AKAP6: variants seen among roughly 807,000 people sequenced by gnomAD.
AKAP6 encodes A-kinase anchor protein 6.
A neutral mutation model predicts 188.5 loss-of-function variants in AKAP6; 58 were observed. The observed-to-expected ratio is 0.31, with a 90% CI of 0.25 to 0.38. The LOEUF (loss-of-function observed/expected upper bound fraction) is 0.38, where lower values mean the gene tolerates loss of function less well. AKAP6 is among the 10% of genes least tolerant of loss of function. AKAP6 has a pLI of 1.00. For synonymous variants in AKAP6, 989 were observed against 998.6 expected, an observed-to-expected ratio of 0.99 and a Z score of 0.18; for missense variants, 2,710 against 2,740.0, an observed-to-expected ratio of 0.99 and a Z score of 0.24.
chr14:32,696,374 G>A (rs10141164), intron 9 of AKAP6, among the ~76,000 whole-genome samples: 4,357 of 152,218 alleles, frequency 0.029, 218 homozygotes, highest in African/African-American at 0.099. Context: ...AAGATGAATA[G>A]CAATAAATGA....
chr14:32,330,325 C>T lies in AKAP6; in HGVS notation c.-35+917C>T, dbSNP rs1484110573. The stretch of plus-strand genomic sequence containing the variant: ...CAACTCAATTCCAAAACTCTAAACA[C>T]GTATCATTTTCATTTCAACTCCTAG... On this transcript the variant is annotated intron_variant, in intron 1 of 13. Coordinates refer to ENST00000280979, the MANE Select transcript of AKAP6 (RefSeq NM_004274.5). 3.3e-5 allele frequency among the ~76,000 whole-genome samples: 5 copies of T among 152,056 alleles called. No homozygotes were observed. In the South Asian group the frequency reaches 8.3e-4, roughly 25 times the overall value.
intron 2 of AKAP6, among the ~76,000 whole-genome samples, chr14:32,529,280 G>A (rs1044574426): frequency 6.6e-6 from 1 of 152,050 alleles, no homozygotes; most frequent in Non-Finnish European, 1.5e-5. Context: ...TTCATTGCTG[G>A]TATATAGGAA....
chr14:32,383,413 A>G (rs1021446985), intron 1 of AKAP6, among the ~76,000 whole-genome samples: 2 of 152,064 alleles, frequency 1.3e-5, no homozygotes, highest in African/African-American at 4.8e-5. Context: ...AAAGAACTGT[A>G]TTATTTTCTA....
chr14:32,478,857 A>G (rs1293397372), intron 2 of AKAP6, among the ~76,000 whole-genome samples: 1 of 152,190 alleles, frequency 6.6e-6, no homozygotes, highest in African/African-American at 2.4e-5. Context: ...CCTTGGTATA[A>G]TGGCCAAGAA....
chr14:32,377,521 G>C (rs1888196742), intron 1 of AKAP6, among the ~76,000 whole-genome samples: 1 of 152,152 alleles, frequency 6.6e-6, no homozygotes, highest in Non-Finnish European at 1.5e-5. Flanking sequence ...GAGAGAGAGA[G>C]AGAGAGAGAA....
At chr14:32,553,059 C>T (rs1412342845) in intron 4 of AKAP6, among the ~76,000 whole-genome samples, 1 of 152,154 alleles carries the variant, frequency 6.6e-6, no homozygotes, top group Non-Finnish European at 1.5e-5. Context: ...ATAGAATCTC[C>T]AGTAGGTTCC....
chr14:32,506,003 C>T (rs1340775337), intron 2 of AKAP6, among the ~76,000 whole-genome samples: 2 of 151,854 alleles, frequency 1.3e-5, no homozygotes, highest in East Asian at 1.9e-4. Flanking sequence ...ATGGGCTAAG[C>T]GTCGTGGCAT....
intron 2 of AKAP6, among the ~76,000 whole-genome samples, chr14:32,519,852 G>C (rs1177340531): frequency 6.6e-6 from 1 of 152,076 alleles, no homozygotes; most frequent in African/African-American, 2.4e-5. Context: ...AGACATAATA[G>C]ACATCTACAG....
At chr14:32,554,866 T>TC (rs1372579439) in intron 4 of AKAP6, among the ~76,000 whole-genome samples, 2 of 152,192 alleles carry the variant, frequency 1.3e-5, no homozygotes, top group Non-Finnish European at 2.9e-5. Context: ...ATTTTGGGCT[T>TC]CCTGCTGCCA....
intron 1 of AKAP6, among the ~76,000 whole-genome samples, chr14:32,341,845 T>TA (rs1284764067): frequency 1.3e-5 from 2 of 152,008 alleles, no homozygotes; most frequent in Non-Finnish European, 2.9e-5. Context: ...AAAAAGTCCC[T>TA]AAAAAACAAG....
rs760617488 is a variant in AKAP6 at position 32,823,052 on chromosome 14, A to C, written c.5239A>C (p.Thr1747Pro). The C allele has an allele frequency of 3.1e-6, 5 of 1,613,852 alleles. No individual in the cohort carries two copies. Among genetic ancestry groups the C allele is most frequent in the Non-Finnish European group, 3.4e-6 (4 of 1,179,896 alleles). ...IVNVSCTSAC[T>P]DDEDDSDLLS... ...TAATGTCTCTTGCACCTCTGCTTGC[A>C]CTGATGATGAAGATGACAGCGACCT... The change falls in exon 13 of 14, where the codon ACT (threonine) becomes CCT (proline). Residue 1747 changes from threonine (T) to proline (P), a missense_variant. Thr to Pro is a conservative substitution (Grantham distance 38). This residue lies in a region of AKAP6 where 2,473 missense variants were observed against 2,426.1 expected (regional missense o/e 1.02). Coordinates refer to ENST00000280979, the MANE Select transcript of AKAP6 (RefSeq NM_004274.5).
rs1424370260 is a variant in AKAP6, at chr14:32,484,521, A to G, written c.324+50704A>G. 2 of 199,880 alleles carry G rather than the reference A, an allele frequency of 1.0e-5. 1 individual carries two copies. The highest frequency in any genetic ancestry group is 1.8e-4 in the African/African-American group (2 of 10,824). The allele number at this position is 199,880 out of a possible 1,614,324, so 12.4% of individuals were successfully genotyped here. ...AAGCTTATGTTGTTTATGCGGGGGA[A>G]TGCCATATCGGGGGCACCGATTTTT... is the stretch of plus-strand genomic sequence containing the variant. On this transcript the variant is annotated intron_variant, in intron 2 of 13. Transcript: ENST00000280979.
chr14:32,688,356 T>C lies in AKAP6; in HGVS notation c.2880-7634T>C, dbSNP rs190009714. On this transcript the variant is annotated intron_variant, in intron 8 of 13. Coordinates refer to ENST00000280979, the MANE Select transcript of AKAP6 (RefSeq NM_004274.5). ...AAATGTATTCCTTTATTCATTTCCC[T>C]ATCTCCTTCAACAAAGGATCTGAGT... Among the ~76,000 whole-genome samples the C allele has an allele frequency of 3.3e-5, 5 of 152,252 alleles. No homozygotes were observed. The East Asian group carries it at 7.7e-4, about 23-fold the overall frequency.
At chr14:32,783,866 C>A (rs556433107) in intron 12 of AKAP6, among the ~76,000 whole-genome samples, 1 of 152,112 alleles carries the variant, frequency 6.6e-6, no homozygotes, top group Non-Finnish European at 1.5e-5. Flanking sequence ...ACCTAAACTG[C>A]CTCTCTAAGA....
chr14:32,757,822 G>A (rs1340050250), intron 11 of AKAP6, among the ~76,000 whole-genome samples: 1 of 152,144 alleles, frequency 6.6e-6, no homozygotes, highest in East Asian at 1.9e-4. Flanking sequence ...AGACATTCCT[G>A]GGAGGGCTTG....
Position 32,525,969 on chromosome 14 carries a change from C to T in AKAP6, c.325-9585C>T, listed in dbSNP as rs374215574. On this transcript the variant is annotated intron_variant, in intron 2 of 13. Transcript: ENST00000280979. ...ATTTTAGCACTAAAAAGAATAACTA[C>T]TGTTTATAGAGTTCTTCAAACTTTG... Among the ~76,000 whole-genome samples, 6 of 152,316 alleles carry T rather than the reference C, an allele frequency of 3.9e-5. No individual in the cohort carries two copies. In the South Asian group the frequency reaches 6.2e-4, roughly 16 times the overall value.
chr14:32,539,157 A>G (rs1441742037), intron 3 of AKAP6, among the ~76,000 whole-genome samples: 1 of 152,186 alleles, frequency 6.6e-6, no homozygotes, highest in East Asian at 1.9e-4. Context: ...TACAGGTATT[A>G]TGATTGTATT....
intron 2 of AKAP6, among the ~76,000 whole-genome samples, chr14:32,461,125 G>A (rs1891309298): frequency 6.6e-6 from 1 of 152,244 alleles, no homozygotes; most frequent in South Asian, 2.1e-4. Flanking sequence ...AGGGGCAGCT[G>A]TGGTTGCTGC....
intron 1 of AKAP6, among the ~76,000 whole-genome samples, chr14:32,416,654 A>T (rs370014986): frequency 7.9e-5 from 12 of 152,178 alleles, no homozygotes; most frequent in African/African-American, 2.4e-4. Context: ...TCCCGGGTTC[A>T]AGTGATTCTC....
Sources: allele counts gnomAD v4.1 joint callset (sites outside exome capture counted in the v4.1 genomes callset), GRCh38; gene constraint gnomAD v4.1.1; regional missense constraint gnomAD v4.1.1; transcripts MANE v1.5; gene names NCBI Gene and HGNC (gene_info 2026-07-23, HGNC 2026-07-21).